ANGPT2: variants seen among roughly 807,000 people sequenced by gnomAD.
The protein encoded by ANGPT2 is angiopoietin-2.
A neutral mutation model predicts 62.9 loss-of-function variants in ANGPT2; 28 were observed. The ratio of observed to expected loss-of-function variants is 0.44; its 90% CI spans 0.33 to 0.61. The LOEUF is 0.61. ANGPT2 is among the 20% of genes least tolerant of loss of function. ANGPT2 has a pLI of 0.03. For missense variants in ANGPT2, 727 were observed against 594.9 expected (o/e 1.22, Z -2.31); for synonymous variants, 284 against 207.8 (o/e 1.37, Z -3.15).
chr8:6,524,477 C>T lies in ANGPT2; in HGVS notation c.567-3067G>A, dbSNP rs146200794. ...GAGTTATCTGAAGCCTCCTGAGTCA[C>T]TTTGCACTTACTTTCCTAGGAACCG... On this transcript the variant is annotated intron_variant, in intron 3 of 8. Coordinates refer to ENST00000629816, the MANE Select transcript of ANGPT2 (RefSeq NM_001118887.2). 3.7e-4 allele frequency among the ~76,000 whole-genome samples: 57 copies of T among 152,336 alleles called. No individual in the cohort carries two copies. In the East Asian group the frequency reaches 9.1e-3, roughly 24 times the overall value.
At position 6,500,911 on chromosome 8, in the gene ANGPT2, TG is replaced by T. The variant is rs1812048328; in HGVS notation, c.*2189del. 2 of 152,242 alleles carry T rather than the reference TG, an allele frequency of 1.3e-5. No individual in the cohort carries two copies. The highest frequency in any genetic ancestry group is 2.9e-5 in the Non-Finnish European group (2 of 68,034). The allele number at this position is 152,242 out of a possible 1,614,324, so 9.4% of individuals were successfully genotyped here. On this transcript the variant is annotated 3_prime_UTR_variant, in exon 9 of 9. Transcript: ENST00000629816. ...AGAGAATTGATATAAATTGTGTTGT[TG>T]CCAGTTTTTCCTGCATTAGCGTTTC...
intron 1 of ANGPT2, among the ~76,000 whole-genome samples, chr8:6,561,581 C>T (rs904124518): frequency 1.3e-5 from 2 of 152,130 alleles, no homozygotes; most frequent in African/African-American, 4.8e-5. Flanking sequence ...TGAGGCTCAC[C>T]AACTTTTAAA....
At chr8:6,512,234 C>T (rs927281411) in intron 7 of ANGPT2, among the ~76,000 whole-genome samples, 4 of 152,162 alleles carry the variant, frequency 2.6e-5, no homozygotes, top group African/African-American at 9.7e-5. Context: ...ACATACTGGG[C>T]ATTGTAGAGT....
At chr8:6,523,355 G>A (rs1283333074) in intron 3 of ANGPT2, among the ~76,000 whole-genome samples, 1 of 152,082 alleles carries the variant, frequency 6.6e-6, no homozygotes, top group Non-Finnish European at 1.5e-5. Flanking sequence ...TAAGTCCTAA[G>A]ATACTTTATT....
intron 1 of ANGPT2, among the ~76,000 whole-genome samples, chr8:6,561,823 C>T (rs556114971): frequency 1.3e-4 from 20 of 151,166 alleles, no homozygotes; most frequent in African/African-American, 4.8e-4. Context: ...CTTTCAATAT[C>T]CTATTTTGGT....
rs59299448 is a variant in ANGPT2 at position 6,559,230 on chromosome 8, A to AACACACACACACACACAC, written c.288+3399_288+3416dup. Among the ~76,000 whole-genome samples the AACACACACACACACACAC allele has an allele frequency of 4.9e-3, 714 of 146,820 alleles. 21 individuals are homozygous for AACACACACACACACACAC. The East Asian group carries it at 0.072, about 15-fold the overall frequency. On this transcript the variant is annotated intron_variant, in intron 1 of 8. Coordinates refer to ENST00000629816, the MANE Select transcript of ANGPT2 (RefSeq NM_001118887.2). ...TGAGTGTTTTGTAGCCACACACGAC[A>AACACACACACACACACAC]ACACACACACACACACACACACACA...
At chr8:6,510,848 C>G (rs543373542) in intron 7 of ANGPT2, among the ~76,000 whole-genome samples, 3 of 152,286 alleles carry the variant, frequency 2.0e-5, no homozygotes, top group African/African-American at 7.2e-5. Context: ...AAACTTCATC[C>G]TAAGGCATGA....
chr8:6,552,469 C>T (rs971667778), intron 1 of ANGPT2, among the ~76,000 whole-genome samples: 1 of 152,142 alleles, frequency 6.6e-6, no homozygotes, highest in African/African-American at 2.4e-5. Flanking sequence ...TAAACATGTG[C>T]TTTGAGGTAT....
chr8:6,525,972 A>G (rs867317315), intron 3 of ANGPT2, among the ~76,000 whole-genome samples: 1 of 152,166 alleles, frequency 6.6e-6, no homozygotes, highest in Non-Finnish European at 1.5e-5. Context: ...GGGAAACAGT[A>G]TTCAGTATTA....
chr8:6,504,813 T>C (rs1263182078), intron 8 of ANGPT2, among the ~76,000 whole-genome samples: 1 of 152,166 alleles, frequency 6.6e-6, no homozygotes, highest in African/African-American at 2.4e-5. Context: ...TTTGTAAGTA[T>C]GTGTGAACAG....
chr8:6,541,539 C>T (rs946708798), intron 1 of ANGPT2, among the ~76,000 whole-genome samples: 2 of 152,124 alleles, frequency 1.3e-5, no homozygotes, highest in East Asian at 1.9e-4. Flanking sequence ...AGCAGCAGAG[C>T]GAATGCGGAG....
At chr8:6,522,830 C>G (rs1376340714) in intron 3 of ANGPT2, among the ~76,000 whole-genome samples, 1 of 151,836 alleles carries the variant, frequency 6.6e-6, no homozygotes, top group South Asian at 2.1e-4. Flanking sequence ...TACCTAAAGT[C>G]ACACACAGCA....
chr8:6,531,066 C>G (rs1030018759), intron 2 of ANGPT2, among the ~76,000 whole-genome samples: 5 of 152,168 alleles, frequency 3.3e-5, no homozygotes, highest in African/African-American at 9.7e-5. Context: ...TGTAAAGAAG[C>G]CAGGATGAGG....
chr8:6,511,778 G>C (rs1815157188), intron 7 of ANGPT2, among the ~76,000 whole-genome samples: 2 of 152,118 alleles, frequency 1.3e-5, no homozygotes, highest in Admixed American at 6.5e-5. Context: ...ATTTCTAAAG[G>C]AAATATCTGT....
At chr8:6,517,560 A>T (rs1276487410) in intron 5 of ANGPT2, among the ~76,000 whole-genome samples, 1 of 152,230 alleles carries the variant, frequency 6.6e-6, no homozygotes, top group Non-Finnish European at 1.5e-5. Flanking sequence ...TTCTTGAATT[A>T]GATAAATGAG....
intron 1 of ANGPT2, among the ~76,000 whole-genome samples, chr8:6,558,726 C>A (rs1241588717): frequency 6.6e-6 from 1 of 152,054 alleles, no homozygotes; most frequent in East Asian, 1.9e-4. Flanking sequence ...CAATCATCTC[C>A]CCATAGTGTG....
intron 2 of ANGPT2, among the ~76,000 whole-genome samples, chr8:6,528,552 C>T (rs533921135): frequency 3.3e-5 from 5 of 152,320 alleles, no homozygotes; most frequent in East Asian, 1.9e-4. Context: ...CAATCGAAGC[C>T]GTATAGCGTG....
At chr8:6,513,510 C>T (rs1422558959) in intron 7 of ANGPT2, among the ~76,000 whole-genome samples, 168 bp downstream of exon 7, 2 of 151,856 alleles carry the variant, frequency 1.3e-5, no homozygotes, top group South Asian at 2.1e-4. Flanking sequence ...TTTTTTTGTA[C>T]TTCTAGTAGA....
intron 1 of ANGPT2, among the ~76,000 whole-genome samples, chr8:6,544,685 G>A (rs1415778486): frequency 6.6e-6 from 1 of 152,098 alleles, no homozygotes; most frequent in East Asian, 1.9e-4. Context: ...TCATTCTAAA[G>A]TAATTTTTAC....
Sources: gnomAD v4.1 joint callset for allele counts (sites outside exome capture counted in the v4.1 genomes callset) on GRCh38, gnomAD v4.1.1 for gene constraint, MANE v1.5 for transcripts, NCBI Gene and HGNC (gene_info 2026-07-23, HGNC 2026-07-21) for gene names.